CCPG1: variants seen among roughly 807,000 people sequenced by gnomAD.
CCPG1 encodes cell cycle progression protein 1.
CCPG1 carries 46 observed loss-of-function variants against 81.3 expected under a neutral mutation model. That is an observed-to-expected ratio of 0.57 (90% CI 0.45 to 0.72). The LOEUF is 0.72. CCPG1 is among the 30% of genes least tolerant of loss of function. CCPG1 has a pLI of 0.00. For missense variants in CCPG1, 902 were observed against 937.6 expected (o/e 0.96, Z 0.50); for synonymous variants, 330 against 305.2 (o/e 1.08, Z -0.85).
intron 3 of CCPG1, among the ~76,000 whole-genome samples, chr15:55,383,788 T>C (rs1009688801): frequency 2.6e-5 from 4 of 152,202 alleles, no homozygotes; most frequent in African/African-American, 4.8e-5. Context: ...TTAGCCTTCA[T>C]AGACTTGAAG....
Position 55,355,523 on chromosome 15 carries a change from AG to A in CCPG1, c.*696del. 1 of 1,051,344 alleles carries A rather than the reference AG, an allele frequency of 9.5e-7. No homozygotes were observed. 65.1% of individuals were successfully genotyped at this position (1,051,344 alleles called of 1,614,324 possible). On this transcript the variant is annotated 3_prime_UTR_variant, in exon 9 of 9. Transcript: ENST00000442196. The stretch of plus-strand genomic sequence containing the variant: ...ACACTGGGTAAGATTCATGGAACTT[AG>A]AAAAAAGCTGTATGAACTGCTTTAC...
At chr15:55,400,143 GA>G (rs2057099633) in intron 1 of CCPG1, among the ~76,000 whole-genome samples, 1 of 146,700 alleles carries the variant, frequency 6.8e-6, no homozygotes, top group Admixed American at 6.9e-5. Context: ...CCAGGAAGTG[GA>G]GGTTGCACTG....
At chr15:55,393,446 AT>A (rs1413370460) in intron 1 of CCPG1, among the ~76,000 whole-genome samples, 10 of 152,108 alleles carry the variant, frequency 6.6e-5, no homozygotes, top group Non-Finnish European at 1.2e-4. Flanking sequence ...TCTCAAAAAA[AT>A]GTTTTTTTTC....
chr15:55,358,363 T>G (rs1295050055), intron 8 of CCPG1: 1 of 985,124 alleles, frequency 1.0e-6, no homozygotes, highest in Non-Finnish European at 1.2e-6. Context: ...AAGGGGGGAC[T>G]ACTGTAATCT....
In CCPG1 at chr15:55,364,912, C is replaced by T. The variant is rs1304895006; in HGVS notation, c.828+276G>A. 5.9e-5 allele frequency among the ~76,000 whole-genome samples: 9 copies of T among 152,254 alleles called. No homozygotes were observed. In the South Asian group the frequency reaches 1.9e-3, roughly 32 times the overall value. On this transcript the variant is annotated intron_variant, in intron 7 of 8. Transcript: ENST00000442196. ...ACAAACAAAAACAAACTAGCTCTGC[C>T]AGTTGCTACCTTGAGAAAGTCACTT...
At chr15:55,368,626 C>G (rs969311624) in intron 6 of CCPG1, among the ~76,000 whole-genome samples, 1 of 152,178 alleles carries the variant, frequency 6.6e-6, no homozygotes, top group Non-Finnish European at 1.5e-5. Flanking sequence ...AGAAAGACTG[C>G]TTTCTCATGA....
At chr15:55,357,627 A>G (rs1480495622) in intron 8 of CCPG1, 1 of 159,120 alleles carries the variant, frequency 6.3e-6, no homozygotes, top group Non-Finnish European at 1.3e-5. Context: ...ACATGTGTGG[A>G]TCACTTGAGG....
chr15:55,367,928 A>G (rs1277835347), intron 6 of CCPG1, among the ~76,000 whole-genome samples: 2 of 152,102 alleles, frequency 1.3e-5, no homozygotes, highest in Admixed American at 6.5e-5. Context: ...ACATTTTTCC[A>G]TACCACCTTT....
intron 3 of CCPG1, among the ~76,000 whole-genome samples, chr15:55,382,936 T>G (rs1214792557): frequency 6.6e-6 from 1 of 152,234 alleles, no homozygotes; most frequent in Non-Finnish European, 1.5e-5. Flanking sequence ...CCTGTTAATG[T>G]TGATATTTTG....
chr15:55,400,513 T>G (rs1329654524), intron 1 of CCPG1, among the ~76,000 whole-genome samples: 2 of 151,082 alleles, frequency 1.3e-5, no homozygotes, highest in Admixed American at 6.6e-5. Context: ...ATCTCAAAAA[T>G]AAATTAAAAA....
intron 1 of CCPG1, among the ~76,000 whole-genome samples, chr15:55,396,011 G>A (rs1308482027): frequency 6.6e-6 from 1 of 151,938 alleles, no homozygotes; most frequent in Non-Finnish European, 1.5e-5. Context: ...AAAATTAGTC[G>A]GGCATGCTGG....
chr15:55,400,694 C>T (rs1314173877), intron 1 of CCPG1, among the ~76,000 whole-genome samples: 1 of 152,154 alleles, frequency 6.6e-6, no homozygotes, highest in African/African-American at 2.4e-5. Context: ...GAGTAACAAC[C>T]ATCTTTAATT....
intron 5 of CCPG1, 147 bp from the exon 6 acceptor site, chr15:55,372,191 C>T: frequency 1.4e-6 from 1 of 704,848 alleles, no homozygotes. Flanking sequence ...TAAACAAAAA[C>T]ACGGGTTTTC....
intron 1 of CCPG1, among the ~76,000 whole-genome samples, chr15:55,396,130 G>A (rs1001235119): frequency 1.3e-4 from 19 of 146,978 alleles, no homozygotes. Flanking sequence ...CTCCAGCCTG[G>A]GCAACAGAGC....
chr15:55,380,174 C>T (rs1274240758), intron 3 of CCPG1, among the ~76,000 whole-genome samples: 1 of 149,670 alleles, frequency 6.7e-6, no homozygotes, highest in African/African-American at 2.4e-5. Context: ...AATTTATGAG[C>T]AAAGTACACC....
rs1267201181 is a variant in CCPG1 at position 55,377,402 on chromosome 15, C to T, written c.253-252G>A. ...TAGTGGGCTGCAGAAGCTGAGAAGC[C>T]CATCTTTGCCCCCTCAATAACCACA... On this transcript the variant is annotated intron_variant, in intron 4 of 8. Coordinates refer to ENST00000442196, the MANE Select transcript of CCPG1 (RefSeq NM_001204450.2). Among the ~76,000 whole-genome samples the T allele has an allele frequency of 3.3e-5, 5 of 152,068 alleles. No homozygotes were observed. The East Asian group carries it at 9.6e-4, about 29-fold the overall frequency.
chr15:55,391,896 G>C (rs1385104519), intron 1 of CCPG1, among the ~76,000 whole-genome samples: 1 of 74,918 alleles, frequency 1.3e-5, no homozygotes, highest in Admixed American at 1.3e-4. Flanking sequence ...AAGGGGGGGG[G>C]GGGCTAGGTG....
intron 5 of CCPG1, among the ~76,000 whole-genome samples, chr15:55,374,920 C>G (rs969144956): frequency 6.6e-6 from 1 of 152,214 alleles, no homozygotes; most frequent in Non-Finnish European, 1.5e-5. Flanking sequence ...CTGCCTCAGT[C>G]TCCCAAAGTG....
chr15:55,403,148 A>G (rs1466881525), intron 1 of CCPG1, among the ~76,000 whole-genome samples: 2 of 152,228 alleles, frequency 1.3e-5, no homozygotes, highest in Non-Finnish European at 2.9e-5. Flanking sequence ...ATGAGTAGAT[A>G]ACTCCACCAC....
Sources: gnomAD v4.1 joint callset for allele counts (sites outside exome capture counted in the v4.1 genomes callset) on GRCh38, gnomAD v4.1.1 for gene constraint, MANE v1.5 for transcripts, NCBI Gene and HGNC (gene_info 2026-07-23, HGNC 2026-07-21) for gene names.